UGT2A2: variants seen among roughly 807,000 people sequenced by gnomAD.
UGT2A2 encodes UDP glucuronosyltransferase family 2 member A2, also known as UDP-glucuronosyltransferase 2A2.
UGT2A2 carries 60 observed loss-of-function variants against 50.7 expected under a neutral mutation model. The observed-to-expected ratio is 1.18, with a 90% CI of 0.96 to 1.47. UGT2A2 has a LOEUF of 1.47. UGT2A2 is among the 40% of genes most tolerant of loss of function. UGT2A2 has a pLI of 0.00. For synonymous variants in UGT2A2, 242 were observed against 214.6 expected, an observed-to-expected ratio of 1.13 and a Z score of -1.11; for missense variants, 762 against 634.0, an observed-to-expected ratio of 1.20 and a Z score of -2.17.
At chr4:69,610,373 A>G (rs865985186) in intron 1 of UGT2A2, among the ~76,000 whole-genome samples, 1 of 152,072 alleles carries the variant, frequency 6.6e-6, no homozygotes, top group Non-Finnish European at 1.5e-5. Flanking sequence ...TTCATTTTCT[A>G]TCTGGCCATT....
At chr4:69,603,241 G>A (rs1418835352) in intron 1 of UGT2A2, among the ~76,000 whole-genome samples, 1 of 135,316 alleles carries the variant, frequency 7.4e-6, no homozygotes, top group Non-Finnish European at 1.6e-5. Context: ...ACAAGAGGAA[G>A]GAATATTATT....
chr4:69,598,299 G>T (rs2109887734), intron 2 of UGT2A2, among the ~76,000 whole-genome samples: 1 of 152,198 alleles, frequency 6.6e-6, no homozygotes, highest in South Asian at 2.1e-4. Context: ...GATTACATTT[G>T]CTTGTGTATA....
chr4:69,594,649 T>A lies in UGT2A2; in HGVS notation c.1159A>T (p.Ile387Phe). ...ACTCCGTGGTAAATAGCTTCGTAGA[T>A]CCCATTAGTTCCACCATGAGTGATA... ...AFITHGGTNG[I>F]YEAIYHGVPM... Residue 387 changes from isoleucine (I) to phenylalanine (F), a missense_variant, in exon 5 of 6, where the codon ATC becomes TTC. Physicochemically the swap from Ile to Phe is conservative, Grantham distance 21. Coordinates refer to ENST00000604629, the MANE Select transcript of UGT2A2 (RefSeq NM_001105677.2). 1 of 1,614,084 alleles carries A rather than the reference T, an allele frequency of 6.2e-7. No individual in the cohort carries two copies.
chr4:69,634,014 G>C (rs1474369236), intron 1 of UGT2A2, among the ~76,000 whole-genome samples: 1 of 152,102 alleles, frequency 6.6e-6, no homozygotes, highest in African/African-American at 2.4e-5. Context: ...GGGAGGCCGA[G>C]GCGGGCGGAT....
At chr4:69,614,228 C>T (rs1720239836) in intron 1 of UGT2A2, among the ~76,000 whole-genome samples, 1 of 151,650 alleles carries the variant, frequency 6.6e-6, no homozygotes, top group Admixed American at 6.6e-5. Context: ...GCAACAGCTA[C>T]AAATAAAATA....
intron 1 of UGT2A2, chr4:69,599,664 G>A (rs927181585): frequency 4.0e-5 from 13 of 323,000 alleles, no homozygotes; most frequent in African/African-American, 2.9e-4. Flanking sequence ...GGAAAAGTGA[G>A]AAAAAGGGAA....
chr4:69,636,595 A>G (rs1328402990), intron 1 of UGT2A2, among the ~76,000 whole-genome samples: 1 of 152,148 alleles, frequency 6.6e-6, no homozygotes, highest in Non-Finnish European at 1.5e-5. Context: ...ACACTTATCT[A>G]ATTTGTTATG....
At chr4:69,594,059 C>T (rs1465955177) in intron 5 of UGT2A2, among the ~76,000 whole-genome samples, 2 of 150,686 alleles carry the variant, frequency 1.3e-5, no homozygotes, top group Non-Finnish European at 3.0e-5. Context: ...ACTGCAACCT[C>T]CACCTCCCGG....
At chr4:69,608,941 A>G (rs1719853579) in intron 1 of UGT2A2, among the ~76,000 whole-genome samples, 1 of 152,188 alleles carries the variant, frequency 6.6e-6, no homozygotes, top group African/African-American at 2.4e-5. Flanking sequence ...TTAAGACAGC[A>G]TAAAAATCCT....
At chr4:69,590,638 A>AGTGTGTGT (rs4148321) in intron 5 of UGT2A2, among the ~76,000 whole-genome samples, 18 of 150,304 alleles carry the variant, frequency 1.2e-4, no homozygotes, top group African/African-American at 3.9e-4. Context: ...ACATGTGTTG[A>AGTGTGTGT]GTGTGTGTGT....
intron 5 of UGT2A2, among the ~76,000 whole-genome samples, chr4:69,591,231 A>G (rs969468691): frequency 6.6e-6 from 1 of 152,208 alleles, no homozygotes; most frequent in African/African-American, 2.4e-5. Context: ...AGTCCTGAGT[A>G]TATGTGCCCA....
chr4:69,638,882 G>T lies in UGT2A2; in HGVS notation c.742+17C>A. 6.5e-7 allele frequency: 1 copy of T among 1,540,246 alleles called. No homozygotes were observed. The highest frequency in any genetic ancestry group is 8.7e-7 in the Non-Finnish European group (1 of 1,144,200). On this transcript the variant is annotated intron_variant, in intron 1 of 5. Transcript: ENST00000604629. ...AAGGGATGTGGAGTCATTAAAAAGA[G>T]AAAATTTTAGACTTACCTAAAATTT... is the stretch of plus-strand genomic sequence containing the variant.
At chr4:69,594,405 G>T in intron 5 of UGT2A2, 72 bp downstream of exon 5, 3 of 1,547,848 alleles carry the variant, frequency 1.9e-6, no homozygotes, top group African/African-American at 1.4e-5. Context: ...AAGTATAAAA[G>T]AATGTACATT....
intron 1 of UGT2A2, among the ~76,000 whole-genome samples, chr4:69,625,397 G>T (rs1425222834): frequency 6.6e-6 from 1 of 150,776 alleles, no homozygotes; most frequent in East Asian, 1.9e-4. Flanking sequence ...CCTTCCTTTA[G>T]GATATTGAAA....
chr4:69,597,134 G>A (rs927888184), intron 2 of UGT2A2, among the ~76,000 whole-genome samples: 3 of 152,110 alleles, frequency 2.0e-5, no homozygotes, highest in Admixed American at 6.5e-5. Flanking sequence ...TTCCTGTTAA[G>A]CATTCAAGAT....
At chr4:69,638,768 T>C in intron 1 of UGT2A2, 131 bp downstream of exon 1, 1 of 1,170,714 alleles carries the variant, frequency 8.5e-7, no homozygotes, top group Non-Finnish European at 1.2e-6. Context: ...CAGGGAATTG[T>C]TTGTACAGAG....
chr4:69,635,113 TTAAAAA>T (rs1320490649), intron 1 of UGT2A2, among the ~76,000 whole-genome samples: 3 of 151,518 alleles, frequency 2.0e-5, no homozygotes, highest in Non-Finnish European at 4.4e-5. Flanking sequence ...ACAAGAAAGT[TTAAAAA>T]TAAAAATAAA....
chr4:69,612,812 G>A (rs1280076215), intron 1 of UGT2A2, among the ~76,000 whole-genome samples: 1 of 151,310 alleles, frequency 6.6e-6, no homozygotes, highest in Non-Finnish European at 1.5e-5. Flanking sequence ...ATTGACATCA[G>A]CCATGGCAAA....
intron 5 of UGT2A2, among the ~76,000 whole-genome samples, chr4:69,590,606 G>T (rs962790857): frequency 1.3e-5 from 2 of 151,712 alleles, no homozygotes; most frequent in African/African-American, 4.8e-5. Flanking sequence ...GGTACAACTA[G>T]ATTCAGCAGC....
Sources: allele counts gnomAD v4.1 joint callset (sites outside exome capture counted in the v4.1 genomes callset), GRCh38; gene constraint gnomAD v4.1.1; transcripts MANE v1.5; gene names NCBI Gene and HGNC (gene_info 2026-07-23, HGNC 2026-07-21).